DPY19L4: variants seen among roughly 807,000 people sequenced by gnomAD.
DPY19L4 encodes the protein probable C-mannosyltransferase DPY19L4.
A neutral mutation model predicts 102.8 loss-of-function variants in DPY19L4; 97 were observed. The ratio of observed to expected loss-of-function variants is 0.94; its 90% CI spans 0.80 to 1.12. The LOEUF (loss-of-function observed/expected upper bound fraction) is 1.12. DPY19L4 is among the 50% of genes most tolerant of loss of function. The probability of loss-of-function intolerance (pLI) is 0.00; values close to 1 mark genes in which losing one functional copy is unlikely to be tolerated. For synonymous variants in DPY19L4, 252 were observed against 283.1 expected, an observed-to-expected ratio of 0.89 and a Z score of 1.10; for missense variants, 815 against 850.4, an observed-to-expected ratio of 0.96 and a Z score of 0.52.
intron 8 of DPY19L4, among the ~76,000 whole-genome samples, chr8:94,762,765 G>C (rs543356910): frequency 6.6e-5 from 10 of 152,182 alleles, no homozygotes; most frequent in Non-Finnish European, 1.5e-4. Context: ...AACTGGGTGG[G>C]GTGGGGGCTG....
intron 2 of DPY19L4, among the ~76,000 whole-genome samples, chr8:94,731,665 C>T (rs1200092331): frequency 6.6e-6 from 1 of 152,220 alleles, no homozygotes; most frequent in African/African-American, 2.4e-5. Context: ...ATCCGCCCAC[C>T]TCAGTCTCCC....
intron 8 of DPY19L4, 47 bp from the exon 9 acceptor site, chr8:94,765,136 T>C: frequency 3.2e-6 from 4 of 1,260,874 alleles, no homozygotes; most frequent in Non-Finnish European, 4.4e-6. Context: ...AAAATATGTA[T>C]GATAAAATAT....
intron 13 of DPY19L4, among the ~76,000 whole-genome samples, chr8:94,776,166 G>A: frequency 6.6e-6 from 1 of 151,210 alleles, no homozygotes. Flanking sequence ...CCGAGTAGCT[G>A]GGACTACAGG....
At chr8:94,783,312 CA>C (rs1275212914) in intron 16 of DPY19L4, among the ~76,000 whole-genome samples, 3 of 152,160 alleles carry the variant, frequency 2.0e-5, no homozygotes, top group African/African-American at 7.2e-5. Flanking sequence ...TGAGAATTCA[CA>C]GTATCATCAC....
intron 3 of DPY19L4, 128 bp downstream of exon 3, chr8:94,734,882 G>A (rs1811129988): frequency 6.2e-6 from 8 of 1,282,610 alleles, no homozygotes; most frequent in African/African-American, 1.5e-5. Context: ...AAGCTGTTTT[G>A]AGAATATAGT....
chr8:94,758,152 A>C (rs981983812), intron 7 of DPY19L4, among the ~76,000 whole-genome samples: 2 of 151,986 alleles, frequency 1.3e-5, no homozygotes, highest in African/African-American at 2.4e-5. Context: ...GAACTGCCTA[A>C]GTTTCTTTAT....
At chr8:94,755,991 A>C in intron 6 of DPY19L4, 45 bp from the exon 7 acceptor site, 2 of 1,571,660 alleles carry the variant, frequency 1.3e-6, no homozygotes, top group Non-Finnish European at 1.7e-6. Context: ...AGTGTAACAC[A>C]AATATAATGT....
Position 94,789,955 on chromosome 8 carries a change from C to T in DPY19L4, c.*45C>T. The T allele has an allele frequency of 6.4e-7, 1 of 1,554,962 alleles. No homozygotes were observed. The highest frequency in any genetic ancestry group is 1.2e-5 in the South Asian group (1 of 82,076). On this transcript the variant is annotated 3_prime_UTR_variant, in exon 19 of 19. Coordinates refer to ENST00000414645, the MANE Select transcript of DPY19L4 (RefSeq NM_181787.3). ...TTCAAAGACTACCTGAAGTAAAATG[C>T]AGTTTTCTTCTACCTACTCGGTGTC...
At chr8:94,781,616 G>A (rs1813435796) in intron 16 of DPY19L4, among the ~76,000 whole-genome samples, 1 of 152,172 alleles carries the variant, frequency 6.6e-6, no homozygotes, top group Non-Finnish European at 1.5e-5. Context: ...ACACACACAT[G>A]TGTAACTCAG....
intron 8 of DPY19L4, among the ~76,000 whole-genome samples, chr8:94,764,717 A>ATATATATTTT (rs1298234292): frequency 1.0e-4 from 3 of 29,324 alleles, no homozygotes; most frequent in Non-Finnish European, 1.7e-4. Context: ...ATATATATAT[A>ATATATATTTT]TTTTTTTTTT....
intron 6 of DPY19L4, among the ~76,000 whole-genome samples, chr8:94,755,344 C>G (rs1384554702): frequency 1.3e-5 from 2 of 149,788 alleles, no homozygotes; most frequent in Admixed American, 6.6e-5. Context: ...GCTAATTATG[C>G]GGTGCAGATT....
chr8:94,727,421 A>G (rs751345517), intron 2 of DPY19L4, among the ~76,000 whole-genome samples: 3 of 152,278 alleles, frequency 2.0e-5, no homozygotes, highest in Non-Finnish European at 4.4e-5. Flanking sequence ...TTTGGTAGAG[A>G]CGGGGTTTCA....
intron 6 of DPY19L4, among the ~76,000 whole-genome samples, chr8:94,743,553 A>G (rs1021427320): frequency 1.3e-5 from 2 of 151,632 alleles, no homozygotes; most frequent in Non-Finnish European, 2.9e-5. Context: ...CTGAGGCAGG[A>G]GGATCACTTA....
At chr8:94,720,424 A>G (rs1810407659) in intron 1 of DPY19L4, among the ~76,000 whole-genome samples, 1 of 152,166 alleles carries the variant, frequency 6.6e-6, no homozygotes, top group East Asian at 1.9e-4. Flanking sequence ...TGACAAACCC[A>G]GAGGCACAGG....
chr8:94,776,312 C>T (rs1263486266), intron 13 of DPY19L4, among the ~76,000 whole-genome samples: 2 of 151,612 alleles, frequency 1.3e-5, no homozygotes, highest in African/African-American at 4.8e-5. Context: ...GGATTACAGG[C>T]GAGAGCCACC....
rs189511731 is a variant in DPY19L4 at position 94,788,666 on chromosome 8, C to G, written c.2007+614C>G. On this transcript the variant is annotated intron_variant, in intron 18 of 18. Transcript: ENST00000414645. Reference sequence around the variant, plus strand: ...ACGCGCGCGCGCATGTGTCTTCCCCCCCAGCCCCCATGGCCTTCCAATGAA... The same window carrying G: ...ACGCGCGCGCGCATGTGTCTTCCCCGCCAGCCCCCATGGCCTTCCAATGAA... 6.1e-3 allele frequency among the ~76,000 whole-genome samples: 930 copies of G among 152,320 alleles called. 12 individuals carry two copies. The highest frequency in any genetic ancestry group is 0.021 in the African/African-American group (870 of 41,586).
At position 94,726,316 on chromosome 8, in the gene DPY19L4, C is replaced by A; in HGVS notation, c.17-15C>A. 5.0e-6 allele frequency: 8 copies of A among 1,584,588 alleles called. No homozygotes were observed. Among genetic ancestry groups the A allele is most frequent in the Non-Finnish European group, 6.8e-6 (8 of 1,170,436 alleles). ...TTTTATACACACATTGCAATAATGT[C>A]TTAAATATTTTAAGGACCACCTGTA... On this transcript the variant is annotated splice_polypyrimidine_tract_variant and intron_variant, in intron 1 of 18. Transcript: ENST00000414645.
intron 13 of DPY19L4, among the ~76,000 whole-genome samples, chr8:94,774,831 C>T (rs1420249545): frequency 6.6e-6 from 1 of 152,084 alleles, no homozygotes; most frequent in Non-Finnish European, 1.5e-5. Flanking sequence ...CCCGCCTCGG[C>T]CCCCCAAAGT....
chr8:94,752,733 T>C (rs1425492345), intron 6 of DPY19L4, among the ~76,000 whole-genome samples: 3 of 150,954 alleles, frequency 2.0e-5, no homozygotes, highest in East Asian at 2.0e-4. Flanking sequence ...GACGTGATCT[T>C]GGCTCACTGC....
Sources: gnomAD v4.1 joint callset for allele counts (sites outside exome capture counted in the v4.1 genomes callset) on GRCh38, gnomAD v4.1.1 for gene constraint, MANE v1.5 for transcripts, NCBI Gene and HGNC (gene_info 2026-07-23, HGNC 2026-07-21) for gene names.